The following CXXC4 variants were observed in gnomAD, a reference collection of about 807,000 sequenced individuals.
CXXC4 encodes the protein CXXC finger protein 4.
A neutral mutation model predicts 20.5 loss-of-function variants in CXXC4; 5 were observed. The observed-to-expected ratio is 0.24, with a 90% CI of 0.13 to 0.51. The LOEUF (loss-of-function observed/expected upper bound fraction) is 0.51, where lower values mean the gene tolerates loss of function less well. CXXC4 is among the 20% of genes least tolerant of loss of function. CXXC4 has a pLI of 0.97. For synonymous variants in CXXC4, 250 were observed against 216.4 expected (o/e 1.16, Z -1.36); for missense variants, 419 against 496.4 (o/e 0.84, Z 1.48).
chr4:104,487,023 C>A (rs1232893481), intron 2 of CXXC4, among the ~76,000 whole-genome samples: 1 of 152,088 alleles, frequency 6.6e-6, no homozygotes, highest in East Asian at 1.9e-4. Context: ...TTCTGCCAAC[C>A]CCCTTAGAAA....
In CXXC4 at chr4:104,470,725, A is replaced by C. The variant is rs534531215; in HGVS notation, c.*1597T>G. 5 of 152,228 alleles carry C rather than the reference A, an allele frequency of 3.3e-5. No individual in the cohort carries two copies. The Middle Eastern group carries it at 0.01, about 311-fold the overall frequency. 9.4% of individuals were successfully genotyped at this position (152,228 alleles called of 1,614,324 possible). A position where few individuals can be genotyped will look rare whatever the true frequency, so the allele number is the denominator to read the frequency against. On this transcript the variant is annotated 3_prime_UTR_variant, in exon 3 of 3. Coordinates refer to ENST00000394767, the MANE Select transcript of CXXC4 (RefSeq NM_025212.4). ...GGTTAAATCACCTGGCTAGTGGACA[A>C]AGAACAAAAAGTTGCAGTAGGTAAC...
intron 2 of CXXC4, among the ~76,000 whole-genome samples, chr4:104,481,071 A>G (rs1262384958): frequency 1.3e-5 from 2 of 152,218 alleles, no homozygotes; most frequent in South Asian, 2.1e-4. Context: ...GGCAGAGATC[A>G]TATTAGTCTG....
intron 2 of CXXC4, among the ~76,000 whole-genome samples, chr4:104,476,343 G>C (rs192842351): frequency 6.6e-6 from 1 of 152,262 alleles, no homozygotes; most frequent in Non-Finnish European, 1.5e-5. Context: ...CACACGGAAA[G>C]TGGTATCTTC....
At chr4:104,490,195 G>A (rs1169996848) in intron 2 of CXXC4, among the ~76,000 whole-genome samples, 1 of 152,156 alleles carries the variant, frequency 6.6e-6, no homozygotes, top group African/African-American at 2.4e-5. Context: ...TTGATGAGTA[G>A]AAAAATGATT....
intron 2 of CXXC4, among the ~76,000 whole-genome samples, chr4:104,489,324 G>T (rs1296473898): frequency 6.6e-6 from 1 of 151,926 alleles, no homozygotes; most frequent in Admixed American, 6.6e-5. Context: ...TATCTCATTT[G>T]ATTTACACAA....
intron 2 of CXXC4, among the ~76,000 whole-genome samples, chr4:104,487,401 T>C (rs534185968): frequency 1.7e-3 from 253 of 152,244 alleles, no homozygotes; most frequent in African/African-American, 5.7e-3. Context: ...ACTAAGAGGC[T>C]GGGGTTGCCC....
chr4:104,490,789 A>C lies in CXXC4; in HGVS notation c.1014T>G (p.Phe338Leu), dbSNP rs755026903. 1 of 1,614,138 alleles carries C rather than the reference A, an allele frequency of 6.2e-7. No homozygotes were observed. Among genetic ancestry groups the C allele is most frequent in the Non-Finnish European group, 8.5e-7 (1 of 1,180,010 alleles). Residue 338 changes from phenylalanine to leucine, a missense_variant, in exon 2 of 3, where the codon TTT becomes TTG. Transcript: ENST00000394767. ...NRKTGHQICK[F>L]RKCEELKKKP... is the part of the protein sequence containing the mutation. Reference sequence around the variant, plus strand: ...TTTTCTTTAGCTCTTCACATTTTCTAAATTTGCAGATCTGGTGTCCCGTTT... The same window carrying C: ...TTTTCTTTAGCTCTTCACATTTTCTCAATTTGCAGATCTGGTGTCCCGTTT...
chr4:104,489,779 A>G (rs1736792248), intron 2 of CXXC4, among the ~76,000 whole-genome samples: 1 of 152,228 alleles, frequency 6.6e-6, no homozygotes, highest in African/African-American at 2.4e-5. Context: ...TGTATTTAGC[A>G]TAATTCATAA....
chr4:104,488,989 A>G (rs569736316), intron 2 of CXXC4, among the ~76,000 whole-genome samples: 5 of 152,350 alleles, frequency 3.3e-5, no homozygotes, highest in African/African-American at 1.2e-4. Flanking sequence ...TGTCCTTATC[A>G]GCTGGGAATA....
At position 104,468,865 on chromosome 4, in the gene CXXC4, C is replaced by G. The variant is rs986876194; in HGVS notation, c.*3457G>C. The G allele has an allele frequency of 6.6e-6, 1 of 151,968 alleles. No individual in the cohort carries two copies. The highest frequency in any genetic ancestry group is 1.5e-5 in the Non-Finnish European group (1 of 67,966). The allele number at this position is 151,968 out of a possible 1,614,324, so 9.4% of individuals were successfully genotyped here. On this transcript the variant is annotated 3_prime_UTR_variant, in exon 3 of 3. Coordinates refer to ENST00000394767, the MANE Select transcript of CXXC4 (RefSeq NM_025212.4). ...CTTTCCTTTTTTCATTATTTGATTA[C>G]AGATACTTATCAGCTTAAAGACTTT... is the stretch of plus-strand genomic sequence containing the variant.
In CXXC4 at chr4:104,490,995, T is replaced by C. The variant is rs1268337289; in HGVS notation, c.808A>G (p.Ser270Gly). The change falls in exon 2 of 3, where the codon AGT (serine) becomes GGT (glycine). Residue 270 changes from serine to glycine, a missense_variant. Ser to Gly is a moderately conservative substitution (Grantham distance 56, BLOSUM62 0). Coordinates refer to ENST00000394767, the MANE Select transcript of CXXC4 (RefSeq NM_025212.4). Reference protein sequence around the residue: ...PAAASAAVTDSAFQIANLADC... With the variant: ...PAAASAAVTDGAFQIANLADC... ...GCCAGATTGGCAATTTGAAACGCAC[T>C]GTCTGTGACGGCTGCTGAGGCTGCT... 1.2e-6 allele frequency: 2 copies of C among 1,614,004 alleles called. No homozygotes were observed. Among genetic ancestry groups the C allele is most frequent in the Middle Eastern group, 1.6e-4 (1 of 6,062 alleles).
Position 104,491,464 on chromosome 4 carries a change from G to GGCC in CXXC4, c.338_339insGGC (p.Gly113_Gly114insAla). 1 of 833,820 alleles carries GGCC rather than the reference G, an allele frequency of 1.2e-6. No homozygotes were observed. The highest frequency in any genetic ancestry group is 1.5e-6 in the Non-Finnish European group (1 of 671,716). 51.7% of individuals were successfully genotyped at this position (833,820 alleles called of 1,614,324 possible). On this transcript the variant is annotated inframe_insertion, in exon 2 of 3. Coordinates refer to ENST00000394767, the MANE Select transcript of CXXC4 (RefSeq NM_025212.4). ...CGCCGCCGCCGCCACCCCCCCCGCCGCCGCCCCCGCCCCCGCCGCTGCCCC... is the reference window on the plus strand; with the variant it reads ...CGCCGCCGCCGCCACCCCCCCCGCCGGCCCCGCCCCCGCCCCCGCCGCTGCCCC...
Position 104,491,732 on chromosome 4 carries a change from A to C in CXXC4, c.71T>G (p.Leu24Trp), listed in dbSNP as rs1736886181. 1.3e-6 allele frequency: 2 copies of C among 1,543,056 alleles called. No individual in the cohort carries two copies. Among genetic ancestry groups the C allele is most frequent in the Non-Finnish European group, 1.7e-6 (2 of 1,143,650 alleles). The change falls in exon 2 of 3, where the codon TTG becomes TGG. Residue 24 changes from leucine (L) to tryptophan (W), a missense_variant. By Grantham distance (61) the Leu-to-Trp change is moderately conservative (BLOSUM62 -2). Around this residue, in one of 3 missense-constraint regions of CXXC4, gnomAD observed 388 missense variants for 416.0 expected, o/e 0.93. Coordinates refer to ENST00000394767, the MANE Select transcript of CXXC4 (RefSeq NM_025212.4). ...AAGGCTGTTCAGAGCCCCCTCGGGC[A>C]AGTGGCTTTCCTTGGGCAAGCCCGG... ...EAPGLPKESH[L>W]PEGALNSLVD...
At chr4:104,479,465 T>C (rs1432497837) in intron 2 of CXXC4, among the ~76,000 whole-genome samples, 3 of 152,050 alleles carry the variant, frequency 2.0e-5, no homozygotes, top group Admixed American at 1.3e-4. Flanking sequence ...TAACAGAAAA[T>C]TTCCTGTTAG....
At chr4:104,476,255 C>T (rs567995302) in intron 2 of CXXC4, among the ~76,000 whole-genome samples, 2 of 152,108 alleles carry the variant, frequency 1.3e-5, no homozygotes, top group South Asian at 4.2e-4. Context: ...AATTAAACAA[C>T]CTAAAATAAT....
chr4:104,480,373 A>G (rs1172945390), intron 2 of CXXC4, among the ~76,000 whole-genome samples: 7 of 152,106 alleles, frequency 4.6e-5, no homozygotes, highest in African/African-American at 1.7e-4. Flanking sequence ...GTATTTTCTC[A>G]GAAATTCTCC....
chr4:104,481,874 G>A lies in CXXC4; in HGVS notation c.1059+8870C>T, dbSNP rs1348853111. The stretch of plus-strand genomic sequence containing the variant: ...ACCTGCCTGGAATAAGTAAAAATAC[G>A]CTATTTGTAAAAACATTTCAATTTT... On this transcript the variant is annotated intron_variant, in intron 2 of 2. Coordinates refer to ENST00000394767, the MANE Select transcript of CXXC4 (RefSeq NM_025212.4). 3.3e-5 allele frequency among the ~76,000 whole-genome samples: 5 copies of A among 152,018 alleles called. No homozygotes were observed. In the South Asian group the frequency reaches 6.2e-4, roughly 19 times the overall value.
At chr4:104,482,228 C>T (rs1483914235) in intron 2 of CXXC4, among the ~76,000 whole-genome samples, 1 of 152,074 alleles carries the variant, frequency 6.6e-6, no homozygotes, top group Non-Finnish European at 1.5e-5. Context: ...ATATTGTCAC[C>T]TGCAGTTTGA....
chr4:104,469,712 T>C lies in CXXC4; in HGVS notation c.*2610A>G, dbSNP rs908769904. Reference sequence around the variant, plus strand: ...AGAACTTTATATGCATCCTACATTATATAAATGGAGTTTAACCAAAAACAT... The same window carrying C: ...AGAACTTTATATGCATCCTACATTACATAAATGGAGTTTAACCAAAAACAT... On this transcript the variant is annotated 3_prime_UTR_variant, in exon 3 of 3. Coordinates refer to ENST00000394767, the MANE Select transcript of CXXC4 (RefSeq NM_025212.4). 6.6e-6 allele frequency: 1 copy of C among 152,018 alleles called. No individual in the cohort carries two copies. Among genetic ancestry groups the C allele is most frequent in the African/African-American group, 2.4e-5 (1 of 41,418 alleles). 9.4% of individuals were successfully genotyped at this position (152,018 alleles called of 1,614,324 possible). A position where few individuals can be genotyped will look rare whatever the true frequency, so the allele number is the denominator to read the frequency against.
Sources: allele counts gnomAD v4.1 joint callset (sites outside exome capture counted in the v4.1 genomes callset), GRCh38; gene constraint gnomAD v4.1.1; regional missense constraint gnomAD v4.1.1; transcripts MANE v1.5; gene names NCBI Gene and HGNC (gene_info 2026-07-23, HGNC 2026-07-21).